The following ZNF527 variants were observed in gnomAD, a reference collection of about 807,000 sequenced individuals.
ZNF527 encodes zinc finger protein 527.
Under a neutral mutation model 13.5 loss-of-function variants are expected in ZNF527, and 5 were observed. The ratio of observed to expected loss-of-function variants is 0.37; its 90% confidence interval spans 0.19 to 0.78. The LOEUF is 0.78. Among genes scored for constraint, ZNF527 ranks in the 30% least tolerant of loss-of-function variants. ZNF527 has a pLI of 0.48. For synonymous variants in ZNF527, 209 were observed against 243.1 expected, an observed-to-expected ratio of 0.86 and a Z score of 1.30; for missense variants, 628 against 726.4, an observed-to-expected ratio of 0.86 and a Z score of 1.56.
intron 2 of ZNF527, among the ~76,000 whole-genome samples, chr19:37,378,740 T>C (rs1406417603): frequency 6.6e-6 from 1 of 152,196 alleles, no homozygotes; most frequent in African/African-American, 2.4e-5. Context: ...CATACCCTTT[T>C]GTTAAAGCCC....
rs1474120059 is a variant in ZNF527 at position 37,388,568 on chromosome 19, C to T, written c.519C>T (p.Pro173=). 2.5e-6 allele frequency: 4 copies of T among 1,614,054 alleles called. No homozygotes were observed. The highest frequency in any genetic ancestry group is 3.4e-6 in the Non-Finnish European group (4 of 1,180,016). The change falls in exon 5 of 5, where the codon CCC becomes CCT. Residue 173 remains proline, a synonymous_variant. Transcript: ENST00000436120. ...TTAGTAATTCTGGGAGAAGCATACCCCTGAAATCAGTATTTTTAACACAAC... is the reference window on the plus strand; with the variant it reads ...TTAGTAATTCTGGGAGAAGCATACCTCTGAAATCAGTATTTTTAACACAAC... ...NEFSNSGRSI[P]LKSVFLTQQK...
At chr19:37,385,043 C>T (rs1323028516) in intron 4 of ZNF527, 10 of 673,244 alleles carry the variant, frequency 1.5e-5, no homozygotes, top group African/African-American at 3.5e-5. Flanking sequence ...CCAGGCTGGT[C>T]TAGCACTCCT....
intron 1 of ZNF527, among the ~76,000 whole-genome samples, chr19:37,372,495 CAG>C (rs966659275): frequency 6.3e-5 from 6 of 95,788 alleles, no homozygotes; most frequent in African/African-American, 2.2e-4. Context: ...TTTTTTGAGA[CAG>C]AGTCTTGCTC....
In ZNF527 at chr19:37,388,364, T is replaced by C; in HGVS notation, c.315T>C (p.Asp105=). 6.2e-7 allele frequency: 1 copy of C among 1,614,096 alleles called. No individual in the cohort carries two copies. Among genetic ancestry groups the C allele is most frequent in the Non-Finnish European group, 8.5e-7 (1 of 1,179,976 alleles). The change falls in exon 5 of 5, where the codon GAT becomes GAC. Residue 105 remains aspartate (D), a synonymous_variant. Transcript: ENST00000436120. The stretch of plus-strand genomic sequence containing the variant: ...CTCCAAAATGGTTCATTGATGAAGA[T>C]GAAATATCCCAGGAGATGGTAATGG... ...ELSPKWFIDE[D]EISQEMVMER...
chr19:37,385,384 G>A (rs2040689859), intron 4 of ZNF527: 1 of 399,108 alleles, frequency 2.5e-6, no homozygotes, highest in Non-Finnish European at 4.4e-6. Flanking sequence ...AATGCTGTAA[G>A]TGTGTTTCTC....
chr19:37,381,907 T>C (rs941671969), intron 4 of ZNF527, among the ~76,000 whole-genome samples: 1 of 152,330 alleles, frequency 6.6e-6, no homozygotes, highest in East Asian at 1.9e-4. Flanking sequence ...CCTCATAAAA[T>C]TTAATGACTT....
In ZNF527 at chr19:37,389,829, G is replaced by A. The variant is rs777500453; in HGVS notation, c.1780G>A (p.Val594Ile). 1 of 1,612,528 alleles carries A rather than the reference G, an allele frequency of 6.2e-7. No homozygotes were observed. Among genetic ancestry groups the A allele is most frequent in the South Asian group, 1.1e-5 (1 of 90,938 alleles). Residue 594 changes from valine (V) to isoleucine (I), a missense_variant, in exon 5 of 5, where the codon GTC becomes ATC. Physicochemically the swap from Val to Ile is conservative, Grantham distance 29 (BLOSUM62 3). Around this residue, in one of 3 missense-constraint regions of ZNF527, gnomAD observed 592 missense variants for 678.0 expected, o/e 0.87. Transcript: ENST00000436120. ...CNECGNNFSC[V>I]SALRRHQRIH... ...CGAATGTGGGAATAATTTTAGCTGT[G>A]TCTCAGCCCTTAGACGACATCAGAG...
chr19:37,371,175 C>CGTCGCGGGTCTCG lies in ZNF527; in HGVS notation c.-84_-72dup, dbSNP rs1024178358. On this transcript the variant is annotated 5_prime_UTR_variant, in exon 1 of 5. Transcript: ENST00000436120. The stretch of plus-strand genomic sequence containing the variant: ...CCTCGCGGAGGATTCTGGGAGGTGA[C>CGTCGCGGGTCTCG]GTCGCGGGTCTCGGTCGCGGGGCCC... The CGTCGCGGGTCTCG allele has an allele frequency of 5.9e-5, 9 of 152,600 alleles. No homozygotes were observed. The highest frequency in any genetic ancestry group is 1.2e-4 in the Non-Finnish European group (8 of 68,082). The allele number at this position is 152,600 out of a possible 1,614,324, so 9.5% of individuals were successfully genotyped here. A position where few individuals can be genotyped will look rare whatever the true frequency, so the allele number is the denominator to read the frequency against.
At chr19:37,372,969 G>GT (rs2040570945) in intron 1 of ZNF527, among the ~76,000 whole-genome samples, 1 of 152,148 alleles carries the variant, frequency 6.6e-6, no homozygotes, top group African/African-American at 2.4e-5. Context: ...GATTACTCGG[G>GT]TTGTGTTGAA....
chr19:37,380,366 T>C lies in ZNF527; in HGVS notation c.250T>C (p.Cys84Arg). The C allele has an allele frequency of 6.2e-7, 1 of 1,613,756 alleles. No homozygotes were observed. The highest frequency in any genetic ancestry group is 8.5e-7 in the Non-Finnish European group (1 of 1,179,692). ...MVERKMSQGH[C>R]ADWESWCEIE... The stretch of plus-strand genomic sequence containing the variant: ...GGAGAGAAAGATGTCACAGGGTCAC[T>C]GTGCAGGTGAGTGACAGATCACCAG... Residue 84 changes from cysteine to arginine, a missense_variant, in exon 4 of 5, where the codon TGT becomes CGT. Physicochemically the swap from Cys to Arg is radical, Grantham distance 180 (BLOSUM62 -3). Coordinates refer to ENST00000436120, the MANE Select transcript of ZNF527 (RefSeq NM_032453.2).
Position 37,389,355 on chromosome 19 carries a change from C to A in ZNF527, c.1306C>A (p.His436Asn). Residue 436 changes from histidine to asparagine, a missense_variant, in exon 5 of 5, where the codon CAC becomes AAC. Around this residue, in one of 3 missense-constraint regions of ZNF527, gnomAD observed 592 missense variants for 678.0 expected, o/e 0.87. Coordinates refer to ENST00000436120, the MANE Select transcript of ZNF527 (RefSeq NM_032453.2). ...RIALTLHQRI[H>N]TGEKPFKCSE... is the part of the protein sequence containing the mutation. ...AGCCCTTACTCTACATCAAAGAATTCACACAGGAGAGAAACCCTTCAAATG... is the reference window on the plus strand; with the variant it reads ...AGCCCTTACTCTACATCAAAGAATTAACACAGGAGAGAAACCCTTCAAATG... The A allele has an allele frequency of 6.2e-7, 1 of 1,614,154 alleles. No homozygotes were observed. Among genetic ancestry groups the A allele is most frequent in the Non-Finnish European group, 8.5e-7 (1 of 1,180,038 alleles).
chr19:37,390,034 C>CTTTTT lies in ZNF527; in HGVS notation c.*163_*167dup. On this transcript the variant is annotated 3_prime_UTR_variant, in exon 5 of 5. Coordinates refer to ENST00000436120, the MANE Select transcript of ZNF527 (RefSeq NM_032453.2). ...GTAGCTCAGTAGTAGACATCTGTTACTTTTTTTTTTTTCAGACAGAGTCTC... is the reference window on the plus strand; with the variant it reads ...GTAGCTCAGTAGTAGACATCTGTTACTTTTTTTTTTTTTTTTTCAGACAGAGTCTC... 1.3e-5 allele frequency: 10 copies of CTTTTT among 752,688 alleles called. No homozygotes were observed. Among genetic ancestry groups the CTTTTT allele is most frequent in the South Asian group, 1.0e-4 (4 of 39,920 alleles). The allele number at this position is 752,688 out of a possible 1,614,324, so 46.6% of individuals were successfully genotyped here. A position where few individuals can be genotyped will look rare whatever the true frequency, so the allele number is the denominator to read the frequency against.
At chr19:37,373,329 T>C (rs1311273936) in intron 1 of ZNF527, among the ~76,000 whole-genome samples, 1 of 152,236 alleles carries the variant, frequency 6.6e-6, no homozygotes, top group Non-Finnish European at 1.5e-5. Flanking sequence ...CGGGATTATG[T>C]CGGACCTAGT....
chr19:37,392,799 G>A lies in ZNF527; in HGVS notation c.*2920G>A, dbSNP rs1252724861. 1.3e-5 allele frequency: 2 copies of A among 152,116 alleles called. No individual in the cohort carries two copies. The highest frequency in any genetic ancestry group is 2.9e-5 in the Non-Finnish European group (2 of 68,026). 9.4% of individuals were successfully genotyped at this position (152,116 alleles called of 1,614,324 possible). A position where few individuals can be genotyped will look rare whatever the true frequency, so the allele number is the denominator to read the frequency against. ...TATATAGTTAAACTTCACTTGTAATGTTGATAAAATCTTTTGTACCCATGT... is the reference window on the plus strand; with the variant it reads ...TATATAGTTAAACTTCACTTGTAATATTGATAAAATCTTTTGTACCCATGT... On this transcript the variant is annotated 3_prime_UTR_variant, in exon 5 of 5. Transcript: ENST00000436120.
chr19:37,375,317 T>C lies in ZNF527; in HGVS notation c.33+1086T>C, dbSNP rs558453123. 1.4e-3 allele frequency among the ~76,000 whole-genome samples: 200 copies of C among 146,268 alleles called. 2 individuals are homozygous for C. The highest frequency in any genetic ancestry group is 2.3e-3 in the Non-Finnish European group (156 of 66,598). ...TTCTTTCTTTCTTTCTTTCTTTTCT[T>C]TCTTTCTTTCTTTCTTTCTTTCCTT... On this transcript the variant is annotated intron_variant, in intron 2 of 4. Transcript: ENST00000436120.
At chr19:37,373,768 C>A (rs575843184) in intron 1 of ZNF527, among the ~76,000 whole-genome samples, 3 of 151,940 alleles carry the variant, frequency 2.0e-5, no homozygotes, top group South Asian at 4.2e-4. Flanking sequence ...AGGTTCCAGA[C>A]GGAAGGAAAA....
Position 37,388,692 on chromosome 19 carries a change from G to A in ZNF527, c.643G>A (p.Glu215Lys). 1.2e-6 allele frequency: 2 copies of A among 1,611,396 alleles called. No individual in the cohort carries two copies. Among genetic ancestry groups the A allele is most frequent in the Non-Finnish European group, 1.7e-6 (2 of 1,179,300 alleles). ...VIIEYKRLHAEKESLIGNECE... is the reference protein window; with the variant it reads ...VIIEYKRLHAKKESLIGNECE... ...AATTGAATATAAAAGACTCCATGCT[G>A]AGAAGGAATCTTTGATAGGTAATGA... is the stretch of plus-strand genomic sequence containing the variant. Residue 215 changes from glutamate (E) to lysine (K), a missense_variant, in exon 5 of 5, where the codon GAG (glutamate) becomes AAG (lysine). Coordinates refer to ENST00000436120, the MANE Select transcript of ZNF527 (RefSeq NM_032453.2).
In ZNF527 at chr19:37,388,770, C is replaced by G. The variant is rs2040722486; in HGVS notation, c.721C>G (p.Pro241Ala). ...CCTTAGTAAAGATATAGGAATTCCTCCTGGGGAGAAACCTTATGAAAGTCA... is the reference window on the plus strand; with the variant it reads ...CCTTAGTAAAGATATAGGAATTCCTGCTGGGGAGAAACCTTATGAAAGTCA... ...TYLSKDIGIP[P>A]GEKPYESHDF... Residue 241 changes from proline to alanine, a missense_variant, in exon 5 of 5, where the codon CCT (proline) becomes GCT (alanine). Transcript: ENST00000436120. The G allele has an allele frequency of 6.2e-7, 1 of 1,612,800 alleles. No homozygotes were observed. The highest frequency in any genetic ancestry group is 1.1e-5 in the South Asian group (1 of 90,870).
intron 4 of ZNF527, among the ~76,000 whole-genome samples, chr19:37,382,757 G>A (rs2040664442): frequency 6.6e-6 from 1 of 152,170 alleles, no homozygotes; most frequent in African/African-American, 2.4e-5. Flanking sequence ...CACCAGGCTG[G>A]AGTGCAGTGG....
Sources: gnomAD v4.1 joint callset for allele counts (sites outside exome capture counted in the v4.1 genomes callset) on GRCh38, gnomAD v4.1.1 for gene constraint, gnomAD v4.1.1 regional missense constraint, MANE v1.5 for transcripts, NCBI Gene and HGNC (gene_info 2026-07-23, HGNC 2026-07-21) for gene names.